Variants in STXBP5 observed in about 807,000 individuals in gnomAD.
The protein encoded by STXBP5 is syntaxin-binding protein 5.
Under a neutral mutation model 152.4 loss-of-function variants are expected in STXBP5, and 50 were observed. That is an observed-to-expected ratio of 0.33 (90% CI 0.26 to 0.42). The LOEUF (loss-of-function observed/expected upper bound fraction) is 0.42, where lower values mean the gene tolerates loss of function less well. Among genes scored for constraint, STXBP5 ranks in the 10% least tolerant of loss-of-function variants. The pLI, the probability that STXBP5 is intolerant of heterozygous loss-of-function variation, is 1.00. For synonymous variants in STXBP5, 492 were observed against 494.7 expected, an observed-to-expected ratio of 0.99 and a Z score of 0.07; for missense variants, 1,167 against 1,388.6, an observed-to-expected ratio of 0.84 and a Z score of 2.54.
chr6:147,384,629 T>C, intron 27 of STXBP5, 85 bp from the exon 28 acceptor site: 5 of 1,366,702 alleles, frequency 3.7e-6, no homozygotes, highest in Non-Finnish European at 5.2e-6. Context: ...AATGACATAA[T>C]GTTTTGGAAA....
intron 27 of STXBP5, among the ~76,000 whole-genome samples, chr6:147,383,419 A>C (rs1583021879): frequency 6.6e-6 from 1 of 152,150 alleles, no homozygotes. Flanking sequence ...TTAAATAAAC[A>C]ATACTAAGTC....
chr6:147,317,047 A>G (rs985580953), intron 16 of STXBP5, among the ~76,000 whole-genome samples: 1 of 152,232 alleles, frequency 6.6e-6, no homozygotes, highest in Non-Finnish European at 1.5e-5. Flanking sequence ...GATTAATAGT[A>G]TATTTACAAA....
chr6:147,324,300 T>A (rs1310651683), intron 16 of STXBP5, among the ~76,000 whole-genome samples: 4 of 140,326 alleles, frequency 2.9e-5, no homozygotes, highest in Non-Finnish European at 6.2e-5. Context: ...GAGACAGAGT[T>A]TCGCTCTTGT....
At chr6:147,249,369 G>A (rs1323408260) in intron 4 of STXBP5, among the ~76,000 whole-genome samples, 1 of 152,174 alleles carries the variant, frequency 6.6e-6, no homozygotes, top group Non-Finnish European at 1.5e-5. Context: ...GAACCTGGAA[G>A]AATTTCGAGG....
intron 22 of STXBP5, among the ~76,000 whole-genome samples, chr6:147,358,464 TTTGTTTG>T (rs1212331645): frequency 6.6e-6 from 1 of 152,146 alleles, no homozygotes; most frequent in Non-Finnish European, 1.5e-5. Flanking sequence ...TGTGGAGTTG[TTTGTTTG>T]TATATTAAGA....
At chr6:147,285,531 A>G (rs980609107) in intron 8 of STXBP5, among the ~76,000 whole-genome samples, 1 of 151,934 alleles carries the variant, frequency 6.6e-6, no homozygotes, top group Non-Finnish European at 1.5e-5. Context: ...TGATCACTCT[A>G]AACACTGCAA....
At chr6:147,337,955 C>T (rs1172476772) in intron 19 of STXBP5, among the ~76,000 whole-genome samples, 1 of 152,102 alleles carries the variant, frequency 6.6e-6, no homozygotes, top group African/African-American at 2.4e-5. Flanking sequence ...CTGTCAAGGA[C>T]ATTCACCACT....
intron 4 of STXBP5, among the ~76,000 whole-genome samples, chr6:147,246,686 A>G (rs1778824814): frequency 6.6e-6 from 1 of 152,162 alleles, no homozygotes; most frequent in African/African-American, 2.4e-5. Context: ...TGTTTAGAGA[A>G]TAACATAAGT....
chr6:147,258,682 C>G (rs1779501368), intron 4 of STXBP5, among the ~76,000 whole-genome samples: 1 of 152,168 alleles, frequency 6.6e-6, no homozygotes, highest in Non-Finnish European at 1.5e-5. Flanking sequence ...ATCTGCCTGC[C>G]TTGGCCTCCC....
At chr6:147,216,255 G>T (rs1292226163) in intron 2 of STXBP5, among the ~76,000 whole-genome samples, 1 of 152,120 alleles carries the variant, frequency 6.6e-6, no homozygotes, top group African/African-American at 2.4e-5. Context: ...TGCCGAGCGT[G>T]GTGGCAGGTG....
Position 147,278,092 on chromosome 6 carries a change from T to C in STXBP5, c.726T>C (p.Ser242=), listed in dbSNP as rs780792217. The change falls in exon 8 of 28, where the codon TCT becomes TCC. Residue 242 remains serine, a synonymous_variant. Coordinates refer to ENST00000321680, the MANE Select transcript of STXBP5 (RefSeq NM_001127715.4). ...YRYTYDEAIH[S]VAWHHEGKQF... ...TCATCCTTCTATAGGCTATCCACTC[T>C]GTTGCTTGGCATCATGAAGGAAAAC... 2 of 1,612,526 alleles carry C rather than the reference T, an allele frequency of 1.2e-6. No individual in the cohort carries two copies. The highest frequency in any genetic ancestry group is 2.2e-5 in the South Asian group (2 of 90,998).
At chr6:147,275,041 A>G (rs543198824) in intron 7 of STXBP5, among the ~76,000 whole-genome samples, 3 of 152,140 alleles carry the variant, frequency 2.0e-5, no homozygotes, top group Non-Finnish European at 4.4e-5. Flanking sequence ...TTGATAGGTA[A>G]GCAGTTAGCC....
intron 4 of STXBP5, among the ~76,000 whole-genome samples, chr6:147,256,246 A>G (rs10457810): frequency 0.011 from 1,648 of 152,316 alleles, 10 homozygotes; most frequent in Middle Eastern, 0.024. Context: ...CTCTGTAAAC[A>G]TCCTTGTCAG....
At chr6:147,302,343 AG>A (rs1781863608) in intron 9 of STXBP5, among the ~76,000 whole-genome samples, 1 of 152,164 alleles carries the variant, frequency 6.6e-6, no homozygotes, top group African/African-American at 2.4e-5. Flanking sequence ...ACAAAAAGAA[AG>A]CCAGCATAAT....
At chr6:147,287,518 A>G (rs1781043180) in intron 8 of STXBP5, among the ~76,000 whole-genome samples, 1 of 152,100 alleles carries the variant, frequency 6.6e-6, no homozygotes, top group South Asian at 2.1e-4. Flanking sequence ...TTTTAAAGTA[A>G]CTTTTAAAGA....
At chr6:147,298,133 C>A (rs997513096) in intron 9 of STXBP5, among the ~76,000 whole-genome samples, 1 of 151,892 alleles carries the variant, frequency 6.6e-6, no homozygotes, top group Non-Finnish European at 1.5e-5. Flanking sequence ...TACACATAGA[C>A]TGAAAGTGAA....
At position 147,204,452 on chromosome 6, in the gene STXBP5, C is replaced by A. The variant is rs1455805100; in HGVS notation, c.-81C>A. The A allele has an allele frequency of 1.1e-5, 16 of 1,449,528 alleles. No individual in the cohort carries two copies. The highest frequency in any genetic ancestry group is 2.4e-4 in the Middle Eastern group (1 of 4,162). 89.8% of individuals were successfully genotyped at this position (1,449,528 alleles called of 1,614,324 possible). ...TCCTCCGTTTCCGCGGTCGAAGCTGCCTTCGGCCCCGGGTGGTCTCCCCCG... is the reference window on the plus strand; with the variant it reads ...TCCTCCGTTTCCGCGGTCGAAGCTGACTTCGGCCCCGGGTGGTCTCCCCCG... On this transcript the variant is annotated 5_prime_UTR_variant, in exon 1 of 28. Transcript: ENST00000321680. The surrounding 1 kb of genome is among the most constrained non-coding windows in gnomAD (Gnocchi z 4.3).
chr6:147,375,715 A>C (rs1785779545), intron 26 of STXBP5, among the ~76,000 whole-genome samples: 1 of 151,612 alleles, frequency 6.6e-6, no homozygotes, highest in Admixed American at 6.6e-5. Context: ...ATTAATTCCA[A>C]TGATGTTTTT....
intron 6 of STXBP5, among the ~76,000 whole-genome samples, chr6:147,266,586 T>A (rs1639614963): frequency 6.6e-6 from 1 of 152,066 alleles, no homozygotes; most frequent in Admixed American, 6.6e-5. Context: ...AACAGGGAAT[T>A]CCAGAGAAGC....
Sources: gnomAD v4.1 joint callset for allele counts (sites outside exome capture counted in the v4.1 genomes callset) on GRCh38, gnomAD v4.1.1 for gene constraint, Gnocchi (gnomAD v3.1) non-coding constraint, MANE v1.5 for transcripts, NCBI Gene and HGNC (gene_info 2026-07-23, HGNC 2026-07-21) for gene names.